KLF12: variants seen among roughly 807,000 people sequenced by gnomAD.
KLF12 encodes the protein KLF transcription factor 12, also known as Krueppel-like factor 12.
KLF12 carries 9 observed loss-of-function variants against 37.8 expected under a neutral mutation model. That is an observed-to-expected ratio of 0.24 (90% CI 0.14 to 0.42). The LOEUF (loss-of-function observed/expected upper bound fraction) is 0.42, where lower values mean the gene tolerates loss of function less well. Among genes scored for constraint, KLF12 ranks in the 10% least tolerant of loss-of-function variants. The pLI is 1.00. For synonymous variants in KLF12, 208 were observed against 202.1 expected, an observed-to-expected ratio of 1.03 and a Z score of -0.25; for missense variants, 411 against 516.0, an observed-to-expected ratio of 0.80 and a Z score of 1.97.
chr13:73,980,279 C>T (rs753957738), intron 2 of KLF12, among the ~76,000 whole-genome samples: 10 of 152,098 alleles, frequency 6.6e-5, no homozygotes, highest in Admixed American at 1.3e-4. Flanking sequence ...CCACTCATCC[C>T]AGATAAATGG....
intron 3 of KLF12, among the ~76,000 whole-genome samples, chr13:73,850,879 T>C (rs1349531382): frequency 6.6e-6 from 1 of 152,248 alleles, no homozygotes; most frequent in African/African-American, 2.4e-5. Context: ...TAACATTACA[T>C]AGCTCATGGC....
At chr13:74,160,778 T>C in the KLF12 span, among the ~76,000 whole-genome samples, 1 of 152,216 alleles carries the variant, frequency 6.6e-6, no homozygotes, top group African/African-American at 2.4e-5. Context: ...TCTGGGTAGC[T>C]GACCCAGAGT....
At chr13:74,280,809 C>CT in the KLF12 span, among the ~76,000 whole-genome samples, 23 of 140,368 alleles carry the variant, frequency 1.6e-4, no homozygotes, top group East Asian at 4.4e-3. Context: ...CCATACTCAT[C>CT]TTTTTTTTCT....
intron 3 of KLF12, among the ~76,000 whole-genome samples, chr13:73,895,013 G>T (rs888061935): frequency 6.6e-6 from 1 of 151,912 alleles, no homozygotes; most frequent in Non-Finnish European, 1.5e-5. Context: ...AAAATGTCTT[G>T]GCATTATATA....
chr13:73,888,311 C>A (rs976694260), intron 3 of KLF12, among the ~76,000 whole-genome samples: 3 of 152,130 alleles, frequency 2.0e-5, no homozygotes, highest in African/African-American at 7.2e-5. Flanking sequence ...GCCACAAAAA[C>A]TTTCTAATTT....
At chr13:73,905,718 T>C (rs1311367940) in intron 3 of KLF12, among the ~76,000 whole-genome samples, 1 of 147,332 alleles carries the variant, frequency 6.8e-6, no homozygotes, top group Non-Finnish European at 1.5e-5. Context: ...GGATATATAA[T>C]AAAATTTTGT....
chr13:74,279,154 T>C, the KLF12 span, among the ~76,000 whole-genome samples: 1 of 152,078 alleles, frequency 6.6e-6, no homozygotes, highest in Non-Finnish European at 1.5e-5. Context: ...ATACCTGTGC[T>C]TAAAATCCCC....
chr13:73,959,603 A>G (rs9565063), intron 2 of KLF12, among the ~76,000 whole-genome samples: 46,852 of 151,402 alleles, frequency 0.31, 7,355 homozygotes, highest in Middle Eastern at 0.42. Context: ...ATTATATATA[A>G]TTAGATGTGT....
intron 1 of KLF12, among the ~76,000 whole-genome samples, chr13:74,071,679 C>A (rs533387529): frequency 6.6e-6 from 1 of 151,928 alleles, no homozygotes; most frequent in Admixed American, 6.6e-5. Flanking sequence ...GGCGACAGAG[C>A]GAGACTCCGT....
intron 2 of KLF12, among the ~76,000 whole-genome samples, chr13:73,983,423 C>CT: frequency 6.6e-6 from 1 of 152,330 alleles, no homozygotes; most frequent in Middle Eastern, 3.4e-3. Flanking sequence ...TCGTGAACCT[C>CT]TGTCTGAATT....
At position 74,029,443 on chromosome 13, in the gene KLF12, T is replaced by C. The variant is rs570648297; in HGVS notation, c.-31-34390A>G. 4.9e-4 allele frequency among the ~76,000 whole-genome samples: 74 copies of C among 152,272 alleles called. 1 individual carries two copies. In the South Asian group the frequency reaches 0.014, roughly 29 times the overall value. ...AAATTTTAAGTTTAAGATCATAAAA[T>C]TGGTACAGGCATGTTATCTGGTCAT... On this transcript the variant is annotated intron_variant, in intron 1 of 7. Transcript: ENST00000377669.
At chr13:74,180,589 A>G in the KLF12 span, among the ~76,000 whole-genome samples, 1 of 152,188 alleles carries the variant, frequency 6.6e-6, no homozygotes, top group Non-Finnish European at 1.5e-5. Flanking sequence ...CTAAACTCTA[A>G]TGACTTGACA....
rs1218778419 is a variant in KLF12, at chr13:73,689,290, T to G, written c.*6200A>C. 1 of 152,016 alleles carries G rather than the reference T, an allele frequency of 6.6e-6. No homozygotes were observed. The allele number at this position is 152,016 out of a possible 1,614,324, so 9.4% of individuals were successfully genotyped here. A position where few individuals can be genotyped will look rare whatever the true frequency, so the allele number is the denominator to read the frequency against. ...TTCTAACATTGGGAGGAGAAAACAG[T>G]GGATGTTTTTTTGAGGCCTGTGGTC... On this transcript the variant is annotated 3_prime_UTR_variant, in exon 8 of 8. Transcript: ENST00000377669.
intron 6 of KLF12, among the ~76,000 whole-genome samples, chr13:73,731,641 G>C (rs1185749046): frequency 6.7e-6 from 1 of 150,326 alleles, no homozygotes; most frequent in Non-Finnish European, 1.5e-5. Context: ...TTACATACTT[G>C]ATGACCTAGG....
At chr13:73,776,843 T>A (rs1263066988) in intron 5 of KLF12, among the ~76,000 whole-genome samples, 2 of 152,202 alleles carry the variant, frequency 1.3e-5, no homozygotes, top group South Asian at 2.1e-4. Context: ...ATTGTGATTT[T>A]AAAAAAATAC....
chr13:74,302,198 T>A, the KLF12 span, among the ~76,000 whole-genome samples: 65 of 152,124 alleles, frequency 4.3e-4, no homozygotes, highest in Non-Finnish European at 8.7e-4. Context: ...ATACCAACAA[T>A]TATCTTTTCA....
intron 1 of KLF12, among the ~76,000 whole-genome samples, chr13:74,065,363 A>C (rs759378108): frequency 2.0e-4 from 31 of 152,198 alleles, no homozygotes; most frequent in Non-Finnish European, 4.0e-4. Flanking sequence ...AAAGTGAGAA[A>C]TTCAGGTGTG....
At chr13:73,925,400 C>T (rs890997498) in intron 3 of KLF12, among the ~76,000 whole-genome samples, 3 of 152,260 alleles carry the variant, frequency 2.0e-5, no homozygotes, top group Admixed American at 2.0e-4. Context: ...AGAAATGGAA[C>T]AACAAAGCCT....
intron 2 of KLF12, among the ~76,000 whole-genome samples, chr13:73,946,047 C>G (rs1025308321): frequency 1.3e-5 from 2 of 152,114 alleles, no homozygotes; most frequent in Non-Finnish European, 2.9e-5. Context: ...GGAAAGCCTT[C>G]CTGCAGCCGG....
Sources: gnomAD v4.1 joint callset for allele counts (sites outside exome capture counted in the v4.1 genomes callset) on GRCh38, gnomAD v4.1.1 for gene constraint, MANE v1.5 for transcripts, NCBI Gene and HGNC (gene_info 2026-07-23, HGNC 2026-07-21) for gene names.